The following CLNK variants were observed in gnomAD, a reference collection of about 807,000 sequenced individuals.
CLNK encodes the protein cytokine dependent hematopoietic cell linker, also known as cytokine-dependent hematopoietic cell linker.
CLNK carries 74 observed loss-of-function variants against 68.6 expected under a neutral mutation model. The ratio of observed to expected loss-of-function variants is 1.08; its 90% CI spans 0.89 to 1.31. The LOEUF (loss-of-function observed/expected upper bound fraction) is 1.31, where lower values mean the gene tolerates loss of function less well. Among genes scored for constraint, CLNK ranks in the 50% most tolerant of loss-of-function variants. CLNK has a pLI of 0.00. For synonymous variants in CLNK, 198 were observed against 172.2 expected (o/e 1.15, Z -1.17); for missense variants, 553 against 515.3 (o/e 1.07, Z -0.71).
chr4:10,555,704 C>T (rs1397684872), intron 8 of CLNK, among the ~76,000 whole-genome samples: 1 of 152,174 alleles, frequency 6.6e-6, no homozygotes, highest in Non-Finnish European at 1.5e-5. Context: ...CATTACTGAA[C>T]CAACCAATAT....
the CLNK span, among the ~76,000 whole-genome samples, chr4:10,706,441 T>C: frequency 6.6e-6 from 1 of 152,310 alleles, no homozygotes; most frequent in South Asian, 2.1e-4. Flanking sequence ...GGTGTATAGA[T>C]AGAGATGCCA....
chr4:10,518,575 A>G lies in CLNK; in HGVS notation c.772+2216T>C, dbSNP rs116651863. 7.7e-3 allele frequency among the ~76,000 whole-genome samples: 1,172 copies of G among 152,324 alleles called. 11 individuals carry two copies. Among genetic ancestry groups the G allele is most frequent in the Middle Eastern group, 0.037 (11 of 294 alleles). ...AGAATAACGTTGTTACTACTTTGGA[A>G]TATAACCAAAACTGGGGCCTCTTCC... On this transcript the variant is annotated intron_variant, in intron 15 of 18. Transcript: ENST00000226951.
intron 2 of CLNK, chr4:10,598,619 G>A: frequency 2.4e-6 from 1 of 418,526 alleles, no homozygotes. Context: ...TAGGCACTTT[G>A]CTAAGGCACT....
chr4:10,653,244 A>C (rs1265752062), intron 2 of CLNK, among the ~76,000 whole-genome samples: 1 of 152,108 alleles, frequency 6.6e-6, no homozygotes, highest in Non-Finnish European at 1.5e-5. Context: ...AATGTAGATG[A>C]CAGGTTGATG....
the CLNK span, among the ~76,000 whole-genome samples, chr4:10,707,037 C>CT: frequency 1.9e-5 from 1 of 52,008 alleles, no homozygotes; most frequent in Non-Finnish European, 5.1e-5. Flanking sequence ...CTGCTTAGGC[C>CT]TCCAAAGTGC....
At chr4:10,726,679 T>A in the CLNK span, among the ~76,000 whole-genome samples, 15 of 152,184 alleles carry the variant, frequency 9.9e-5, no homozygotes, top group African/African-American at 3.4e-4. Flanking sequence ...AAAACAACCT[T>A]TTTAACCTTT....
intron 2 of CLNK, among the ~76,000 whole-genome samples, chr4:10,608,335 G>C (rs1031571731): frequency 6.6e-6 from 1 of 152,172 alleles, no homozygotes; most frequent in African/African-American, 2.4e-5. Context: ...GGCCTGCTAG[G>C]CCCATTCCCT....
intron 2 of CLNK, among the ~76,000 whole-genome samples, chr4:10,627,115 A>C (rs1417196986): frequency 6.6e-6 from 1 of 152,088 alleles, no homozygotes; most frequent in Non-Finnish European, 1.5e-5. Context: ...TTTTCTTTGA[A>C]GCTGTTGGCA....
intron 15 of CLNK, among the ~76,000 whole-genome samples, chr4:10,514,833 A>T (rs1266450055): frequency 1.3e-5 from 2 of 151,916 alleles, no homozygotes; most frequent in Non-Finnish European, 2.9e-5. Context: ...CATGGGAGAA[A>T]ATTTTCGCAA....
chr4:10,702,256 T>C, the CLNK span, among the ~76,000 whole-genome samples: 1 of 151,880 alleles, frequency 6.6e-6, no homozygotes, highest in Non-Finnish European at 1.5e-5. Flanking sequence ...GTCCAGATAC[T>C]AAGGGAAGAA....
At chr4:10,554,374 T>G (rs1025401096) in intron 8 of CLNK, among the ~76,000 whole-genome samples, 3 of 152,228 alleles carry the variant, frequency 2.0e-5, no homozygotes, top group African/African-American at 4.8e-5. Context: ...ATTAGGGAAT[T>G]ATTATTTGGG....
intron 18 of CLNK, among the ~76,000 whole-genome samples, chr4:10,490,970 G>A (rs1716545837): frequency 6.6e-6 from 1 of 152,128 alleles, no homozygotes; most frequent in Non-Finnish European, 1.5e-5. Flanking sequence ...TCGCCATGTT[G>A]GCCAGACTGG....
chr4:10,625,947 A>C (rs751702635), intron 2 of CLNK, among the ~76,000 whole-genome samples: 6 of 152,380 alleles, frequency 3.9e-5, no homozygotes, highest in Admixed American at 1.3e-4. Flanking sequence ...TAGTGGGCAC[A>C]TTCATTTCAA....
intron 12 of CLNK, among the ~76,000 whole-genome samples, chr4:10,530,290 T>C (rs1718483800): frequency 6.6e-6 from 1 of 152,150 alleles, no homozygotes. Flanking sequence ...AATGAGTCTT[T>C]CCTTTCTGTG....
intron 8 of CLNK, among the ~76,000 whole-genome samples, chr4:10,552,513 A>G (rs984514645): frequency 3.3e-5 from 5 of 152,246 alleles, no homozygotes; most frequent in South Asian, 2.1e-4. Flanking sequence ...TCTGACACCC[A>G]TGGTTCCACC....
intron 2 of CLNK, among the ~76,000 whole-genome samples, chr4:10,656,305 C>A: frequency 1.8e-5 from 1 of 54,396 alleles, no homozygotes. Context: ...GCATACAAAT[C>A]AATATGAAAA....
intron 2 of CLNK, among the ~76,000 whole-genome samples, chr4:10,599,281 T>A (rs1194595650): frequency 6.6e-6 from 1 of 152,200 alleles, no homozygotes; most frequent in Non-Finnish European, 1.5e-5. Flanking sequence ...AAATACTTTA[T>A]GATGACTTGA....
At chr4:10,559,947 T>C (rs981468684) in intron 7 of CLNK, among the ~76,000 whole-genome samples, 30 of 152,150 alleles carry the variant, frequency 2.0e-4, no homozygotes, top group Non-Finnish European at 1.5e-4. Flanking sequence ...CTCTGTCTTC[T>C]ACCTACTAGA....
At chr4:10,619,251 C>A (rs112316363) in intron 2 of CLNK, among the ~76,000 whole-genome samples, 3 of 152,270 alleles carry the variant, frequency 2.0e-5, no homozygotes, top group African/African-American at 7.2e-5. Context: ...ATCGCTGGAG[C>A]CTTTTCACGC....
Sources: allele counts gnomAD v4.1 joint callset (sites outside exome capture counted in the v4.1 genomes callset), GRCh38; gene constraint gnomAD v4.1.1; transcripts MANE v1.5; gene names NCBI Gene and HGNC (gene_info 2026-07-23, HGNC 2026-07-21).